The following BRCA1 variants were observed in gnomAD, a reference collection of about 807,000 sequenced individuals.
The protein encoded by BRCA1 is BRCA1 DNA repair associated, also known as breast cancer type 1 susceptibility protein.
BRCA1 carries 140 observed loss-of-function variants against 173.7 expected under a neutral mutation model. The observed-to-expected ratio is 0.81, with a 90% CI of 0.70 to 0.93. The LOEUF is 0.93. BRCA1 is among the 40% of genes least tolerant of loss of function. The probability of loss-of-function intolerance (pLI) is 0.00; values close to 1 mark genes in which losing one functional copy is unlikely to be tolerated. For synonymous variants in BRCA1, 662 were observed against 756.0 expected, an observed-to-expected ratio of 0.88 and a Z score of 2.04; for missense variants, 1,983 against 2,172.5, an observed-to-expected ratio of 0.91 and a Z score of 1.73.
chr17:43,079,895 CAA>C, intron 12 of BRCA1: 1 of 638,952 alleles, frequency 1.6e-6, no homozygotes, highest in South Asian at 1.8e-5. Context: ...GGGCCTCATG[CAA>C]TGAAGCAAAT....
chr17:43,067,534 A>T (rs1434924562), intron 16 of BRCA1, 74 bp downstream of exon 16: 1 of 1,248,746 alleles, frequency 8.0e-7, no homozygotes, highest in Non-Finnish European at 1.2e-6. Context: ...GATTACAGGC[A>T]TGCGCCACCG....
chr17:43,069,377 G>A (rs2052286197), intron 15 of BRCA1, among the ~76,000 whole-genome samples: 1 of 152,134 alleles, frequency 6.6e-6, no homozygotes, highest in African/African-American at 2.4e-5. Flanking sequence ...AGAGCTCAAA[G>A]TTTTCCTCTT....
intron 1 of BRCA1, chr17:43,139,929 C>T (rs768806080): frequency 2.0e-6 from 1 of 490,434 alleles, no homozygotes; most frequent in Non-Finnish European, 4.2e-6. Context: ...CACCTTGGTT[C>T]CTGACACAAG....
At chr17:43,133,326 A>AGTG (rs1328920058) in intron 1 of BRCA1, among the ~76,000 whole-genome samples, 2 of 152,158 alleles carry the variant, frequency 1.3e-5, no homozygotes, top group African/African-American at 4.8e-5. Context: ...TTAGGTCCTC[A>AGTG]GTGGTGAGGG....
chr17:43,048,011 T>G (rs958090627), intron 21 of BRCA1, among the ~76,000 whole-genome samples: 1 of 151,940 alleles, frequency 6.6e-6, no homozygotes, highest in Non-Finnish European at 1.5e-5. Flanking sequence ...TGGGCTCAAC[T>G]TCACCCCCGG....
Position 43,147,972 on chromosome 17 carries a change from T to G in BRCA1, c.-20+22154A>C, listed in dbSNP as rs936784556. On this transcript the variant is annotated intron_variant, in intron 1 of 7. Transcript: ENST00000634433. ...GAAAGGGCTGGGGACAGCAGATGTG[T>G]CCTTGTTAGTTCCATCCATTTCAGC... Among the ~76,000 whole-genome samples the G allele has an allele frequency of 4.6e-5, 7 of 152,198 alleles. No individual in the cohort carries two copies. The East Asian group carries it at 1.3e-3, about 29-fold the overall frequency.
At chr17:43,116,135 A>C (rs1446860955) in intron 2 of BRCA1, among the ~76,000 whole-genome samples, 2 of 152,232 alleles carry the variant, frequency 1.3e-5, no homozygotes, top group Non-Finnish European at 2.9e-5. Context: ...TCTCATCTTT[A>C]AGCTCCATAA....
rs1307770520 is a variant in BRCA1, at chr17:43,098,903, T to C, written c.547+872A>G. Among the ~76,000 whole-genome samples, 7 of 146,898 alleles carry C rather than the reference T, an allele frequency of 4.8e-5. No individual in the cohort carries two copies. In the East Asian group the frequency reaches 6.2e-4, roughly 13 times the overall value. On this transcript the variant is annotated intron_variant, in intron 7 of 22. Transcript: ENST00000357654. Reference sequence around the variant, plus strand: ...TGCGATCTTGGCTCACTGCAACCTCTGCTTCCTGGGTTCAAGCGATTCTCC... The same window carrying C: ...TGCGATCTTGGCTCACTGCAACCTCCGCTTCCTGGGTTCAAGCGATTCTCC...
chr17:43,047,393 G>A (rs2050959270), intron 22 of BRCA1, among the ~76,000 whole-genome samples: 1 of 151,762 alleles, frequency 6.6e-6, no homozygotes, highest in Non-Finnish European at 1.5e-5. Context: ...GAGCCACCAT[G>A]CCCGGCCTTG....
intron 1 of BRCA1, chr17:43,160,145 C>T (rs1024173306): frequency 3.9e-5 from 6 of 151,916 alleles, no homozygotes; most frequent in African/African-American, 1.5e-4. Flanking sequence ...AGGCTCACAC[C>T]ATTCTCCTGC....
chr17:43,046,719 C>T (rs1028064314), intron 22 of BRCA1, among the ~76,000 whole-genome samples: 1 of 148,660 alleles, frequency 6.7e-6, no homozygotes, highest in Non-Finnish European at 1.5e-5. Context: ...TGGGCCACTG[C>T]ACTCCAGCCT....
chr17:43,079,906 A>G, intron 12 of BRCA1: 1 of 633,220 alleles, frequency 1.6e-6, no homozygotes, highest in Non-Finnish European at 2.8e-6. Flanking sequence ...AATGAAGCAA[A>G]TAAGATAACT....
At chr17:43,104,756 A>G (rs1177716946) in intron 5 of BRCA1, 112 bp downstream of exon 5, 8 of 954,204 alleles carry the variant, frequency 8.4e-6, no homozygotes, top group South Asian at 1.3e-5. Flanking sequence ...CAGAACTAAA[A>G]TTAACCTAGA....
intron 19 of BRCA1, among the ~76,000 whole-genome samples, chr17:43,055,601 A>G (rs1363484387): frequency 6.6e-6 from 1 of 152,192 alleles, no homozygotes; most frequent in African/African-American, 2.4e-5. Context: ...CCTGGCCAAC[A>G]TGTTGAAACC....
chr17:43,148,267 C>T, intron 1 of BRCA1: 1 of 162,754 alleles, frequency 6.1e-6, no homozygotes, highest in Non-Finnish European at 1.3e-5. Flanking sequence ...TCCAGCCTGG[C>T]AACAAGAGGG....
At chr17:43,153,559 C>CG (rs2056176938) in intron 1 of BRCA1, 1 of 152,050 alleles carries the variant, frequency 6.6e-6, no homozygotes, top group Non-Finnish European at 1.5e-5. Context: ...AGATCTCCCC[C>CG]ACCCCACCAA....
intron 2 of BRCA1, among the ~76,000 whole-genome samples, chr17:43,117,163 C>G (rs117381683): frequency 1.3e-5 from 2 of 152,070 alleles, no homozygotes; most frequent in Non-Finnish European, 2.9e-5. Context: ...AGCTTAAGGC[C>G]GGGCATGGTG....
At chr17:43,066,406 C>T (rs991705786) in intron 16 of BRCA1, among the ~76,000 whole-genome samples, 1 of 151,992 alleles carries the variant, frequency 6.6e-6, no homozygotes, top group African/African-American at 2.4e-5. Flanking sequence ...TTTTGCCTCA[C>T]TTGTTCTTTC....
At chr17:43,113,908 C>T (rs536871129) in intron 3 of BRCA1, among the ~76,000 whole-genome samples, 1 of 152,132 alleles carries the variant, frequency 6.6e-6, no homozygotes, top group African/African-American at 2.4e-5. Context: ...AACCCTGTCT[C>T]GACTAAAAAT....
Sources: gnomAD v4.1 joint callset for allele counts (sites outside exome capture counted in the v4.1 genomes callset) on GRCh38, gnomAD v4.1.1 for gene constraint, MANE v1.5 for transcripts, NCBI Gene and HGNC (gene_info 2026-07-23, HGNC 2026-07-21) for gene names.